TTC7B: variants seen among roughly 807,000 people sequenced by gnomAD.
TTC7B encodes the protein tetratricopeptide repeat protein 7B.
In TTC7B, 28 loss-of-function variants were observed where a neutral mutation model predicts 106.8. That is an observed-to-expected ratio of 0.26 (90% CI 0.19 to 0.36). The LOEUF (loss-of-function observed/expected upper bound fraction) is 0.36. Among genes scored for constraint, TTC7B ranks in the 10% least tolerant of loss-of-function variants. The probability of loss-of-function intolerance (pLI) is 1.00; values close to 1 mark genes in which losing one functional copy is unlikely to be tolerated. For synonymous variants in TTC7B, 405 were observed against 430.6 expected (o/e 0.94, Z 0.74); for missense variants, 862 against 1,076.4 (o/e 0.80, Z 2.79).
rs548736498 is a variant in TTC7B, at chr14:90,564,454, T to C, written c.2310+13652A>G. Among the ~76,000 whole-genome samples, 3 of 152,290 alleles carry C rather than the reference T, an allele frequency of 2.0e-5. No homozygotes were observed. The South Asian group carries it at 6.2e-4, about 32-fold the overall frequency. Reference sequence around the variant, plus strand: ...GCCCTAGGATTTTCAAAACGGTGAATGAACACTGGCTTCAACTCAAAGTCA... The same window carrying C: ...GCCCTAGGATTTTCAAAACGGTGAACGAACACTGGCTTCAACTCAAAGTCA... On this transcript the variant is annotated intron_variant, in intron 19 of 19. Transcript: ENST00000328459.
At chr14:90,603,785 A>T (rs529940283) in intron 17 of TTC7B, among the ~76,000 whole-genome samples, 2 of 152,332 alleles carry the variant, frequency 1.3e-5, no homozygotes, top group Admixed American at 6.5e-5. Flanking sequence ...ACTTAAAATC[A>T]TTACAATTTT....
intron 15 of TTC7B, among the ~76,000 whole-genome samples, chr14:90,639,493 C>T (rs914867611): frequency 1.3e-5 from 2 of 152,208 alleles, no homozygotes; most frequent in Non-Finnish European, 2.9e-5. Context: ...AAGGTGACAT[C>T]ATTAACCAGC....
At chr14:90,786,496 T>C (rs1891394931) in intron 1 of TTC7B, among the ~76,000 whole-genome samples, 168 bp from the exon 2 acceptor site, 1 of 152,200 alleles carries the variant, frequency 6.6e-6, no homozygotes, top group South Asian at 2.1e-4. Flanking sequence ...CACCTCATAG[T>C]GAATTCAGTT....
chr14:90,562,820 T>C (rs1040301781), intron 19 of TTC7B, among the ~76,000 whole-genome samples: 1 of 152,208 alleles, frequency 6.6e-6, no homozygotes, highest in Non-Finnish European at 1.5e-5. Context: ...GTCCCATGCA[T>C]AAGCCACCTC....
At chr14:90,641,000 T>C (rs1885146347) in intron 15 of TTC7B, among the ~76,000 whole-genome samples, 1 of 152,196 alleles carries the variant, frequency 6.6e-6, no homozygotes, top group Non-Finnish European at 1.5e-5. Context: ...CTTCCAAAAA[T>C]GCCTGCTTCT....
intron 8 of TTC7B, 76 bp downstream of exon 8, chr14:90,680,396 A>G: frequency 2.8e-6 from 3 of 1,089,284 alleles, no homozygotes; most frequent in South Asian, 2.6e-5. Flanking sequence ...GAGTCATGAT[A>G]CTGGCAGAAT....
chr14:90,685,285 C>T (rs1887213502), intron 7 of TTC7B, among the ~76,000 whole-genome samples: 1 of 152,192 alleles, frequency 6.6e-6, no homozygotes, highest in Non-Finnish European at 1.5e-5. Flanking sequence ...TACGGATTCC[C>T]TTTCCCACCT....
At chr14:90,563,917 T>C (rs1758877755) in intron 19 of TTC7B, among the ~76,000 whole-genome samples, 1 of 152,142 alleles carries the variant, frequency 6.6e-6, no homozygotes, top group Non-Finnish European at 1.5e-5. Flanking sequence ...CCATTCTTGC[T>C]CTCTTGCTAT....
intron 19 of TTC7B, among the ~76,000 whole-genome samples, chr14:90,566,510 G>A (rs892103559): frequency 1.3e-5 from 2 of 152,074 alleles, no homozygotes; most frequent in African/African-American, 4.8e-5. Context: ...TGGGGTGACT[G>A]ACTAGTTGAT....
intron 19 of TTC7B, among the ~76,000 whole-genome samples, chr14:90,567,270 C>A (rs1436927906): frequency 6.6e-6 from 1 of 152,244 alleles, no homozygotes; most frequent in Admixed American, 6.5e-5. Context: ...ATGAGCTCGT[C>A]TATCGACGCT....
At chr14:90,655,756 G>A (rs79121373) in intron 11 of TTC7B, among the ~76,000 whole-genome samples, 5,621 of 152,200 alleles carry the variant, frequency 0.037, 140 homozygotes, top group Non-Finnish European at 0.055. Context: ...TATTGAAGTT[G>A]GGTGATAAGA....
chr14:90,756,372 CTTTTTTTTTTTGTTT>C, intron 3 of TTC7B, among the ~76,000 whole-genome samples: 1 of 139,824 alleles, frequency 7.2e-6, no homozygotes, highest in African/African-American at 2.5e-5. Context: ...TTATTTTCTT[CTTTTTTTTTTTGTTT>C]TTTTTTTTTG....
chr14:90,771,263 A>G (rs1425642298), intron 3 of TTC7B, among the ~76,000 whole-genome samples: 1 of 152,186 alleles, frequency 6.6e-6, no homozygotes, highest in Non-Finnish European at 1.5e-5. Context: ...ATAATATAAA[A>G]ACTGAAATGA....
intron 19 of TTC7B, among the ~76,000 whole-genome samples, chr14:90,551,195 A>C (rs1890065399): frequency 6.6e-6 from 1 of 152,214 alleles, no homozygotes; most frequent in African/African-American, 2.4e-5. Flanking sequence ...CCTGCTGGAC[A>C]CAGAGTGGGG....
chr14:90,613,956 A>G (rs997656512), intron 16 of TTC7B, among the ~76,000 whole-genome samples: 2 of 152,200 alleles, frequency 1.3e-5, no homozygotes, highest in African/African-American at 2.4e-5. Context: ...GAAATCCTCT[A>G]TCTTCCACAG....
At chr14:90,766,923 C>A in intron 3 of TTC7B, 1 of 1,533,478 alleles carries the variant, frequency 6.5e-7, no homozygotes, top group Non-Finnish European at 9.0e-7. Context: ...GCCTTCATGT[C>A]CAAAGTCAGC....
At chr14:90,786,605 G>A in intron 1 of TTC7B, among the ~76,000 whole-genome samples, 1 of 151,842 alleles carries the variant, frequency 6.6e-6, no homozygotes, top group Admixed American at 6.6e-5. Context: ...TTGAGATGGA[G>A]TTTCGCTCTT....
chr14:90,658,529 C>T, intron 9 of TTC7B, 142 bp from the exon 10 acceptor site: 1 of 780,336 alleles, frequency 1.3e-6, no homozygotes, highest in Non-Finnish European at 2.1e-6. Context: ...AATCCACCAC[C>T]AAACGGCTCC....
chr14:90,553,276 G>A (rs1595152760), intron 19 of TTC7B, among the ~76,000 whole-genome samples: 1 of 152,324 alleles, frequency 6.6e-6, no homozygotes, highest in East Asian at 1.9e-4. Context: ...CATTTTATCT[G>A]GAGAAATGCA....
Sources: gnomAD v4.1 joint callset for allele counts (sites outside exome capture counted in the v4.1 genomes callset) on GRCh38, gnomAD v4.1.1 for gene constraint, MANE v1.5 for transcripts, NCBI Gene and HGNC (gene_info 2026-07-23, HGNC 2026-07-21) for gene names.